Variants in SNTG1 observed in about 807,000 individuals in gnomAD.
SNTG1 encodes gamma-1-syntrophin.
SNTG1 carries 39 observed loss-of-function variants against 74.7 expected under a neutral mutation model. The observed-to-expected ratio is 0.52, with a 90% CI of 0.40 to 0.68. SNTG1 has a LOEUF of 0.68. Ranked by LOEUF, SNTG1 falls within the 30% of genes least tolerant of loss-of-function variation. The pLI, the probability that SNTG1 is intolerant of heterozygous loss-of-function variation, is 0.00. For missense variants in SNTG1, 685 were observed against 609.5 expected (o/e 1.12, Z -1.30); for synonymous variants, 254 against 217.1 (o/e 1.17, Z -1.49).
chr8:49,991,626 G>T (rs1813699225), intron 1 of SNTG1, among the ~76,000 whole-genome samples: 1 of 152,104 alleles, frequency 6.6e-6, no homozygotes, highest in South Asian at 2.1e-4. Flanking sequence ...ATAAGAAAAA[G>T]AAAGAAGAAA....
intron 2 of SNTG1, among the ~76,000 whole-genome samples, chr8:50,323,183 A>G (rs1309900717): frequency 2.0e-5 from 3 of 151,372 alleles, no homozygotes; most frequent in Admixed American, 6.6e-5. Context: ...AATTTCCACT[A>G]GATTCTTTCA....
At position 50,762,448 on chromosome 8, in the gene SNTG1, C is replaced by T. The variant is rs148542502; in HGVS notation, c.1395+10337C>T. ...AAGTATGGTGGACATAAAAAACTCACGGGACATTCTGTTTTGTAATAAATA... is the reference window on the plus strand; with the variant it reads ...AAGTATGGTGGACATAAAAAACTCATGGGACATTCTGTTTTGTAATAAATA... On this transcript the variant is annotated intron_variant, in intron 18 of 18. Coordinates refer to ENST00000642720, the MANE Select transcript of SNTG1 (RefSeq NM_018967.5). 1.1e-3 allele frequency: 321 copies of T among 288,674 alleles called. 2 individuals carry two copies. The highest frequency in any genetic ancestry group is 1.6e-3 in the South Asian group (42 of 26,392). The allele number at this position is 288,674 out of a possible 1,614,324, so 17.9% of individuals were successfully genotyped here. A position where few individuals can be genotyped will look rare whatever the true frequency, so the allele number is the denominator to read the frequency against.
At chr8:50,483,042 A>G (rs996722367) in intron 8 of SNTG1, among the ~76,000 whole-genome samples, 1 of 152,242 alleles carries the variant, frequency 6.6e-6, no homozygotes, top group African/African-American at 2.4e-5. Flanking sequence ...GAGGTCTGAG[A>G]TAAAATAGAA....
At chr8:50,481,006 T>C (rs1432238811) in intron 8 of SNTG1, among the ~76,000 whole-genome samples, 1 of 152,218 alleles carries the variant, frequency 6.6e-6, no homozygotes, top group Non-Finnish European at 1.5e-5. Context: ...CTAAAAGTTG[T>C]TTCTTGCCAT....
chr8:50,413,350 T>C (rs1038868512), intron 4 of SNTG1, among the ~76,000 whole-genome samples: 7 of 152,192 alleles, frequency 4.6e-5, no homozygotes, highest in Non-Finnish European at 1.0e-4. Flanking sequence ...TTTTTTCTTC[T>C]TCCTTAAAAT....
At chr8:50,262,848 C>T (rs763176937) in intron 2 of SNTG1, among the ~76,000 whole-genome samples, 2 of 152,038 alleles carry the variant, frequency 1.3e-5, no homozygotes, top group African/African-American at 2.4e-5. Context: ...GGAAAAACAA[C>T]ATACAATGCT....
At chr8:50,627,962 C>T (rs1329476523) in intron 13 of SNTG1, among the ~76,000 whole-genome samples, 1 of 152,110 alleles carries the variant, frequency 6.6e-6, no homozygotes, top group Non-Finnish European at 1.5e-5. Flanking sequence ...CCTTCAGCCC[C>T]TCTCTCCTCC....
intron 1 of SNTG1, among the ~76,000 whole-genome samples, chr8:50,156,586 C>G (rs1439898855): frequency 6.6e-6 from 1 of 151,504 alleles, no homozygotes; most frequent in East Asian, 1.9e-4. Flanking sequence ...AATATATAAC[C>G]TAAAATATAG....
intron 2 of SNTG1, among the ~76,000 whole-genome samples, chr8:50,386,122 A>G (rs901426367): frequency 2.0e-5 from 3 of 152,158 alleles, no homozygotes; most frequent in African/African-American, 7.2e-5. Flanking sequence ...TCAGAAAACC[A>G]ATGTGGTGAT....
Position 50,312,413 on chromosome 8 carries a change from T to G in SNTG1, c.-27-81799T>G, listed in dbSNP as rs565420860. Among the ~76,000 whole-genome samples the G allele has an allele frequency of 1.9e-4, 29 of 151,014 alleles. No homozygotes were observed. In the East Asian group the frequency reaches 5.7e-3, roughly 30 times the overall value. ...CTTGATATGAAATTTTGGTATAATT[T>G]TTTAAAATTCTAGATAAAACATAAT... On this transcript the variant is annotated intron_variant, in intron 2 of 18. Transcript: ENST00000642720.
chr8:49,925,092 G>T (rs1018096040), intron 1 of SNTG1, among the ~76,000 whole-genome samples: 6 of 152,084 alleles, frequency 3.9e-5, no homozygotes, highest in Admixed American at 3.9e-4. Flanking sequence ...GTTCAAGGCT[G>T]CAGTGAGCCA....
intron 2 of SNTG1, among the ~76,000 whole-genome samples, chr8:50,210,542 G>C (rs4448283): frequency 0.43 from 65,490 of 152,050 alleles, 17,860 homozygotes; most frequent in African/African-American, 0.78. Flanking sequence ...AGCAGAAACT[G>C]TACAAGCCAG....
intron 9 of SNTG1, among the ~76,000 whole-genome samples, chr8:50,522,820 G>A (rs310573): frequency 6.6e-6 from 1 of 151,892 alleles, no homozygotes; most frequent in Non-Finnish European, 1.5e-5. Context: ...CTTGTGATCT[G>A]CCTGCCTCAG....
intron 2 of SNTG1, among the ~76,000 whole-genome samples, chr8:50,222,468 T>G (rs1185160600): frequency 6.6e-6 from 1 of 152,222 alleles, no homozygotes; most frequent in African/African-American, 2.4e-5. Flanking sequence ...GTCAAACATA[T>G]CATTTTTTGG....
chr8:50,696,721 C>A (rs1221548068), intron 15 of SNTG1, among the ~76,000 whole-genome samples: 1 of 151,956 alleles, frequency 6.6e-6, no homozygotes, highest in Admixed American at 6.6e-5. Flanking sequence ...TTCTTGTTGA[C>A]TTTGACAAAG....
chr8:49,943,287 G>A (rs1009457267), intron 1 of SNTG1, among the ~76,000 whole-genome samples: 3 of 106,026 alleles, frequency 2.8e-5, no homozygotes, highest in South Asian at 2.9e-4. Flanking sequence ...GGGATCCTTC[G>A]ATCTAGTGGA....
At chr8:49,980,521 CAAAAAAAAAAA>C (rs565561398) in intron 1 of SNTG1, among the ~76,000 whole-genome samples, 7 of 53,830 alleles carry the variant, frequency 1.3e-4, no homozygotes, top group South Asian at 1.3e-3. Context: ...GACTCCTTCG[CAAAAAAAAAAA>C]AAAAAAAAAA....
At chr8:50,355,998 C>T (rs938657907) in intron 2 of SNTG1, among the ~76,000 whole-genome samples, 1 of 152,134 alleles carries the variant, frequency 6.6e-6, no homozygotes, top group Non-Finnish European at 1.5e-5. Context: ...TCATAGTAGG[C>T]TCTGGCTTTT....
chr8:50,187,716 G>A (rs570015461), intron 2 of SNTG1, among the ~76,000 whole-genome samples: 5 of 152,168 alleles, frequency 3.3e-5, no homozygotes, highest in African/African-American at 9.6e-5. Context: ...ACAATACTAC[G>A]TACAATGCCA....
Sources: allele counts gnomAD v4.1 joint callset (sites outside exome capture counted in the v4.1 genomes callset), GRCh38; gene constraint gnomAD v4.1.1; transcripts MANE v1.5; gene names NCBI Gene and HGNC (gene_info 2026-07-23, HGNC 2026-07-21).